RBMS3: variants seen among roughly 807,000 people sequenced by gnomAD.
RBMS3 encodes RNA binding motif single stranded interacting protein 3.
A neutral mutation model predicts 66.8 loss-of-function variants in RBMS3; 27 were observed. That is an observed-to-expected ratio of 0.40 (90% CI 0.30 to 0.56). The LOEUF (loss-of-function observed/expected upper bound fraction) is 0.56. Among genes scored for constraint, RBMS3 ranks in the 20% least tolerant of loss-of-function variants. The probability of loss-of-function intolerance (pLI) is 0.40; values close to 1 mark genes in which losing one functional copy is unlikely to be tolerated. For synonymous variants in RBMS3, 188 were observed against 183.0 expected (o/e 1.03, Z -0.22); for missense variants, 513 against 549.5 (o/e 0.93, Z 0.66).
chr3:29,441,516 G>A lies in RBMS3; in HGVS notation c.248+6601G>A, dbSNP rs9848060. ...GATACTCAAAAGGGTTAAGAAACTT[G>A]TTCAAATTTATGCAGCCACCATAGC... On this transcript the variant is annotated intron_variant, in intron 2 of 14. Transcript: ENST00000383767. Among the ~76,000 whole-genome samples, 6 of 152,008 alleles carry A rather than the reference G, an allele frequency of 3.9e-5. No homozygotes were observed. The South Asian group carries it at 1.0e-3, about 26-fold the overall frequency.
chr3:29,556,924 A>G (rs1442902214), intron 3 of RBMS3, among the ~76,000 whole-genome samples: 1 of 151,982 alleles, frequency 6.6e-6, no homozygotes, highest in African/African-American at 2.4e-5. Context: ...GTTGGGATAA[A>G]CTCTGAGGTA....
intron 2 of RBMS3, among the ~76,000 whole-genome samples, chr3:29,455,393 G>A (rs1272521497): frequency 1.3e-5 from 2 of 152,042 alleles, no homozygotes; most frequent in Non-Finnish European, 2.9e-5. Flanking sequence ...AGGTAGAGTC[G>A]ATTCTTGTTA....
chr3:29,675,343 T>TATC (rs1164536253), intron 4 of RBMS3, among the ~76,000 whole-genome samples: 1 of 152,196 alleles, frequency 6.6e-6, no homozygotes, highest in African/African-American at 2.4e-5. Context: ...ACCTAGGCAG[T>TATC]ATCATTCAGG....
chr3:29,738,810 A>T (rs1285706700), intron 4 of RBMS3, among the ~76,000 whole-genome samples: 1 of 152,156 alleles, frequency 6.6e-6, no homozygotes, highest in Non-Finnish European at 1.5e-5. Flanking sequence ...CTGGGACTAT[A>T]CTTTGAGACT....
intron 6 of RBMS3, among the ~76,000 whole-genome samples, chr3:29,796,511 A>G (rs559177181): frequency 6.6e-5 from 10 of 152,204 alleles, no homozygotes; most frequent in Non-Finnish European, 1.0e-4. Context: ...AGGAATCACT[A>G]TCTATGACAG....
chr3:29,735,296 A>G (rs2054328819), intron 4 of RBMS3, among the ~76,000 whole-genome samples: 1 of 152,184 alleles, frequency 6.6e-6, no homozygotes, highest in Admixed American at 6.5e-5. Flanking sequence ...GAGAAAAAGG[A>G]AGTCATTTCA....
At chr3:29,627,551 T>G (rs1048390569) in intron 4 of RBMS3, among the ~76,000 whole-genome samples, 1 of 152,140 alleles carries the variant, frequency 6.6e-6, no homozygotes, top group African/African-American at 2.4e-5. Flanking sequence ...ATTGTTTATA[T>G]GTTAGCTTAG....
chr3:29,349,402 AAAG>A (rs1467713603), intron 1 of RBMS3, among the ~76,000 whole-genome samples: 1 of 152,182 alleles, frequency 6.6e-6, no homozygotes, highest in East Asian at 1.9e-4. Flanking sequence ...CTTTGTGCCC[AAAG>A]CAGTTCATCA....
At chr3:29,302,913 A>T (rs2033775991) in intron 1 of RBMS3, among the ~76,000 whole-genome samples, 1 of 152,048 alleles carries the variant, frequency 6.6e-6, no homozygotes, top group South Asian at 2.1e-4. Flanking sequence ...TCTGTTGATC[A>T]TAAAGGGATG....
At chr3:29,814,667 T>C in intron 6 of RBMS3, among the ~76,000 whole-genome samples, 1 of 152,216 alleles carries the variant, frequency 6.6e-6, no homozygotes, top group South Asian at 2.1e-4. Context: ...GCTCCTGTTA[T>C]TGGTCTATTC....
At chr3:29,475,662 C>A (rs1052624616) in intron 2 of RBMS3, among the ~76,000 whole-genome samples, 1 of 152,090 alleles carries the variant, frequency 6.6e-6, no homozygotes, top group African/African-American at 2.4e-5. Context: ...ACATAAATAT[C>A]CTTTGCATCA....
At chr3:29,814,088 G>C (rs1429767287) in intron 6 of RBMS3, among the ~76,000 whole-genome samples, 1 of 151,732 alleles carries the variant, frequency 6.6e-6, no homozygotes. Context: ...TCCAGTTTTT[G>C]TCCATTCAGT....
chr3:30,006,132 A>C lies in RBMS3; in HGVS notation c.*2270A>C, dbSNP rs984624912. 1 of 151,868 alleles carries C rather than the reference A, an allele frequency of 6.6e-6. No homozygotes were observed. Among genetic ancestry groups the C allele is most frequent in the Non-Finnish European group, 1.5e-5 (1 of 67,816 alleles). 9.4% of individuals were successfully genotyped at this position (151,868 alleles called of 1,614,324 possible). The stretch of plus-strand genomic sequence containing the variant: ...ATAGGTGAAACTCTTTTCAAAAACT[A>C]AGTCAGTCACAGGAGCCTGTCTTAG... On this transcript the variant is annotated 3_prime_UTR_variant, in exon 15 of 15. Transcript: ENST00000383767.
chr3:29,783,204 GGA>G (rs1227383209), intron 6 of RBMS3, among the ~76,000 whole-genome samples: 1 of 152,018 alleles, frequency 6.6e-6, no homozygotes, highest in Admixed American at 6.6e-5. Context: ...AAGAACACCT[GGA>G]AAATTAATCA....
At chr3:29,614,926 A>G (rs1218464333) in intron 4 of RBMS3, 2 of 152,180 alleles carry the variant, frequency 1.3e-5, no homozygotes, top group Non-Finnish European at 2.9e-5. Flanking sequence ...CTATACATAA[A>G]TGAGTTTATT....
At chr3:29,492,162 C>T (rs2043573267) in intron 3 of RBMS3, among the ~76,000 whole-genome samples, 1 of 152,184 alleles carries the variant, frequency 6.6e-6, no homozygotes, top group African/African-American at 2.4e-5. Context: ...TCACAACCTT[C>T]ATCAAGCACA....
intron 4 of RBMS3, among the ~76,000 whole-genome samples, chr3:29,722,268 C>T (rs1200036093): frequency 1.3e-5 from 2 of 151,926 alleles, no homozygotes; most frequent in Non-Finnish European, 2.9e-5. Context: ...ACTTTTCACC[C>T]AAATTTTCCA....
chr3:29,424,776 C>T (rs2040879090), intron 1 of RBMS3, among the ~76,000 whole-genome samples: 1 of 152,092 alleles, frequency 6.6e-6, no homozygotes, highest in African/African-American at 2.4e-5. Context: ...TCTATCATCC[C>T]TTTGCTACAA....
chr3:29,440,672 G>T (rs1437501152), intron 2 of RBMS3, among the ~76,000 whole-genome samples: 1 of 152,200 alleles, frequency 6.6e-6, no homozygotes. Context: ...AAGTGTTTGC[G>T]CTGGAGAGCC....
Sources: allele counts gnomAD v4.1 joint callset (sites outside exome capture counted in the v4.1 genomes callset), GRCh38; gene constraint gnomAD v4.1.1; transcripts MANE v1.5; gene names NCBI Gene and HGNC (gene_info 2026-07-23, HGNC 2026-07-21).